Variants in GCC2 observed in about 807,000 individuals in gnomAD.
The protein encoded by GCC2 is GRIP and coiled-coil domain containing 2.
A neutral mutation model predicts 210.6 loss-of-function variants in GCC2; 120 were observed. The observed-to-expected ratio is 0.57, with a 90% CI of 0.49 to 0.66. The LOEUF (loss-of-function observed/expected upper bound fraction) is 0.66, where lower values mean the gene tolerates loss of function less well. Ranked by LOEUF, GCC2 falls within the 30% of genes least tolerant of loss-of-function variation. GCC2 has a pLI of 0.00. For synonymous variants in GCC2, 703 were observed against 652.7 expected (o/e 1.08, Z -1.17); for missense variants, 1,868 against 1,871.9 (o/e 1.00, Z 0.04).
Position 108,470,068 on chromosome 2 carries a change from A to C in GCC2, c.739A>C (p.Ile247Leu). The C allele has an allele frequency of 6.2e-7, 1 of 1,613,636 alleles. No homozygotes were observed. The highest frequency in any genetic ancestry group is 8.5e-7 in the Non-Finnish European group (1 of 1,179,630). Residue 247 changes from isoleucine (I) to leucine (L), a missense_variant, in exon 6 of 23, where the codon ATA becomes CTA. Ile to Leu is a conservative substitution (Grantham distance 5). This residue lies in a region of GCC2 where 1,847 missense variants were observed against 1,765.2 expected (regional missense o/e 1.05). Coordinates refer to ENST00000309863, the MANE Select transcript of GCC2 (RefSeq NM_181453.4). ...GGAAGAGCTTTTACAGTTGAAAGCTATACACCAAGAAGAGGTGAAAGAGTT... is the reference window on the plus strand; with the variant it reads ...GGAAGAGCTTTTACAGTTGAAAGCTCTACACCAAGAAGAGGTGAAAGAGTT... ...LQEELLQLKAIHQEEVKELMC... is the reference protein window; with the variant it reads ...LQEELLQLKALHQEEVKELMC...
chr2:108,450,049 TTTAA>T (rs903714569), intron 2 of GCC2: 24 of 209,846 alleles, frequency 1.1e-4, no homozygotes, highest in African/African-American at 1.6e-4. Context: ...TGCCAAAGAG[TTTAA>T]TTAGTCCAGT....
Position 108,489,994 on chromosome 2 carries a change from A to G in GCC2, c.4209A>G (p.Lys1403=). The change falls in exon 18 of 23, where the codon AAA becomes AAG. Residue 1403 remains lysine, a synonymous_variant. Coordinates refer to ENST00000309863, the MANE Select transcript of GCC2 (RefSeq NM_181453.4). ...AGATGCTGCAGGAAACTGTGTCCAAAGAGGCGGAACTCCGGGAAAAGTAAG... is the reference window on the plus strand; with the variant it reads ...AGATGCTGCAGGAAACTGTGTCCAAGGAGGCGGAACTCCGGGAAAAGTAAG... The part of the protein sequence containing the change: ...HNKMLQETVS[K]EAELREKLCS... 2 of 1,605,316 alleles carry G rather than the reference A, an allele frequency of 1.2e-6. No homozygotes were observed. The highest frequency in any genetic ancestry group is 1.7e-6 in the Non-Finnish European group (2 of 1,176,890).
At chr2:108,463,069 C>G (rs1680693959) in intron 4 of GCC2, among the ~76,000 whole-genome samples, 1 of 151,970 alleles carries the variant, frequency 6.6e-6, no homozygotes, top group African/African-American at 2.4e-5. Flanking sequence ...TATCTATTCT[C>G]TGGTAAATTT....
At chr2:108,465,404 G>T (rs968838207) in intron 4 of GCC2, among the ~76,000 whole-genome samples, 4 of 152,066 alleles carry the variant, frequency 2.6e-5, no homozygotes, top group African/African-American at 9.7e-5. Context: ...TTGTTACATG[G>T]ATGAATTATA....
chr2:108,470,817 A>G lies in GCC2; in HGVS notation c.1488A>G (p.Glu496=), dbSNP rs773406502. ...AAATTTTACAAACAGAACTGGGGGA[A>G]TCTGCTGGAAAAATAAGTCAAGAGT... ...IMEILQTELG[E]SAGKISQEFE... Residue 496 remains glutamate, a synonymous_variant, in exon 6 of 23, where the codon GAA becomes GAG. Coordinates refer to ENST00000309863, the MANE Select transcript of GCC2 (RefSeq NM_181453.4). 1.4e-5 allele frequency: 22 copies of G among 1,613,676 alleles called. No homozygotes were observed. The South Asian group carries it at 2.2e-4, about 16-fold the overall frequency.
intron 1 of GCC2, 76 bp downstream of exon 1, chr2:108,449,356 G>A: frequency 2.0e-6 from 3 of 1,518,544 alleles, no homozygotes; most frequent in Non-Finnish European, 2.7e-6. Flanking sequence ...GGGCCCGATG[G>A]GAGGGCGCGG....
intron 22 of GCC2, among the ~76,000 whole-genome samples, chr2:108,503,798 G>C (rs1267025087): frequency 6.6e-6 from 1 of 152,194 alleles, no homozygotes; most frequent in Non-Finnish European, 1.5e-5. Flanking sequence ...ATCACATTCA[G>C]AATATTTTTT....
intron 10 of GCC2, 109 bp downstream of exon 10, chr2:108,481,925 C>T (rs1573207713): frequency 6.5e-6 from 5 of 769,720 alleles, no homozygotes; most frequent in Middle Eastern, 4.0e-4. Flanking sequence ...AATTTATTCC[C>T]CCCCCACTTT....
Position 108,464,690 on chromosome 2 carries a change from T to C in GCC2, c.217-4290T>C, listed in dbSNP as rs115629584. 5.1e-3 allele frequency among the ~76,000 whole-genome samples: 776 copies of C among 152,286 alleles called. 2 individuals are homozygous for C. Among genetic ancestry groups the C allele is most frequent in the Middle Eastern group, 0.031 (9 of 294 alleles). ...TCCCTTTCCTTATGTTTTAGGCCAT[T>C]TTTGCATTGCTATGAAGAAATACCA... On this transcript the variant is annotated intron_variant, in intron 4 of 22. Transcript: ENST00000309863.
intron 4 of GCC2, among the ~76,000 whole-genome samples, chr2:108,456,345 T>C (rs1442191531): frequency 6.6e-6 from 1 of 152,210 alleles, no homozygotes; most frequent in Non-Finnish European, 1.5e-5. Flanking sequence ...ACCAACAGTG[T>C]AGAAGAGTTC....
rs1290132486 is a variant in GCC2 at position 108,486,504 on chromosome 2, C to T, written c.3793-7C>T. 1.9e-6 allele frequency: 3 copies of T among 1,613,464 alleles called. No homozygotes were observed. Among genetic ancestry groups the T allele is most frequent in the Middle Eastern group, 1.6e-4 (1 of 6,084 alleles). On this transcript the variant is annotated splice_polypyrimidine_tract_variant and splice_region_variant and intron_variant, in intron 15 of 22. Transcript: ENST00000309863. ...TGCTAAAGCTAAATTTAAAGATTTA[C>T]CCCCAGATACAGCTGGCTGAAATAA...
rs1404396524 is a variant in GCC2 at position 108,486,550 on chromosome 2, C to T, written c.3832C>T (p.His1278Tyr). Residue 1278 changes from histidine to tyrosine, a missense_variant, in exon 16 of 23, where the codon CAC becomes TAC. Physicochemically the swap from His to Tyr is moderately conservative, Grantham distance 83. Around this residue, in one of 3 missense-constraint regions of GCC2, gnomAD observed 1,847 missense variants for 1,765.2 expected, o/e 1.05. Coordinates refer to ENST00000309863, the MANE Select transcript of GCC2 (RefSeq NM_181453.4). The stretch of plus-strand genomic sequence containing the variant: ...AATAACATCAGAGAAGCACAAAATC[C>T]ACGAGCACCTGAAAACCTCTGCGGA... ...AEITSEKHKI[H>Y]EHLKTSAEQH... 1.9e-6 allele frequency: 3 copies of T among 1,613,980 alleles called. No individual in the cohort carries two copies. The African/African-American group carries it at 4.0e-5, about 22-fold the overall frequency.
intron 1 of GCC2, 110 bp from the exon 2 acceptor site, chr2:108,449,523 T>A: frequency 7.8e-7 from 1 of 1,286,894 alleles, no homozygotes; most frequent in Non-Finnish European, 1.1e-6. Context: ...CTCACGAGGC[T>A]TTCCACCACT....
chr2:108,465,816 A>G (rs1300862159), intron 4 of GCC2, among the ~76,000 whole-genome samples: 1 of 152,194 alleles, frequency 6.6e-6, no homozygotes, highest in African/African-American at 2.4e-5. Context: ...CCAGCGGTGT[A>G]TAAGTGTTCC....
chr2:108,496,034 T>C (rs4012145), intron 20 of GCC2: 2 of 152,484 alleles, frequency 1.3e-5, no homozygotes, highest in Non-Finnish European at 2.9e-5. Flanking sequence ...GCTTGACACC[T>C]AGTATTAACC....
intron 12 of GCC2, 32 bp from the exon 13 acceptor site, chr2:108,484,117 T>C: frequency 6.8e-7 from 1 of 1,469,340 alleles, no homozygotes; most frequent in East Asian, 2.3e-5. Flanking sequence ...TGATCTACTA[T>C]TGTGTAAATC....
chr2:108,472,838 A>G lies in GCC2; in HGVS notation c.2799A>G (p.Ala933=), dbSNP rs2104455978. Residue 933 remains alanine (A), a synonymous_variant, in exon 7 of 23, where the codon GCA becomes GCG. Coordinates refer to ENST00000309863, the MANE Select transcript of GCC2 (RefSeq NM_181453.4). ...CCTGTAAAATCTAGGATTCCTTAGC[A>G]AAATCACCTTCTGTAAAAAATGATC... ...AELILLKDSL[A]KSPSVKNDPL... is the part of the protein sequence containing the mutation. 1 of 1,583,916 alleles carries G rather than the reference A, an allele frequency of 6.3e-7. No individual in the cohort carries two copies. Among genetic ancestry groups the G allele is most frequent in the Non-Finnish European group, 8.6e-7 (1 of 1,159,438 alleles).
intron 4 of GCC2, among the ~76,000 whole-genome samples, chr2:108,454,493 A>G (rs979008036): frequency 1.2e-4 from 18 of 152,288 alleles, no homozygotes; most frequent in Middle Eastern, 6.8e-3. Flanking sequence ...GTACTGTTTC[A>G]TTTAAGTATT....
chr2:108,492,753 A>G lies in GCC2; in HGVS notation c.4410A>G (p.Ala1470=). ...AGCAGCAGCTCTCCAAGATGGAAGC[A>G]CAGCTCTTCCAGCTTAAGAATGAAC... ...TLQQQLSKME[A]QLFQLKNEPT... Residue 1470 remains alanine, a synonymous_variant, in exon 19 of 23, where the codon GCA becomes GCG. Coordinates refer to ENST00000309863, the MANE Select transcript of GCC2 (RefSeq NM_181453.4). 6.2e-7 allele frequency: 1 copy of G among 1,613,636 alleles called. No homozygotes were observed. Among genetic ancestry groups the G allele is most frequent in the Admixed American group, 1.7e-5 (1 of 60,030 alleles).
Sources: allele counts gnomAD v4.1 joint callset (sites outside exome capture counted in the v4.1 genomes callset), GRCh38; gene constraint gnomAD v4.1.1; regional missense constraint gnomAD v4.1.1; transcripts MANE v1.5; gene names NCBI Gene and HGNC (gene_info 2026-07-23, HGNC 2026-07-21).